Variants in TMEM120A observed in about 807,000 individuals in gnomAD.
The protein encoded by TMEM120A is transmembrane protein 120A.
Under a neutral mutation model 54.3 loss-of-function variants are expected in TMEM120A, and 45 were observed. The observed-to-expected ratio is 0.83, with a 90% CI of 0.65 to 1.06. The LOEUF (loss-of-function observed/expected upper bound fraction) is 1.06. Ranked by LOEUF, TMEM120A falls within the 50% of genes least tolerant of loss-of-function variation. TMEM120A has a pLI of 0.00. For missense variants in TMEM120A, 424 were observed against 441.7 expected, an observed-to-expected ratio of 0.96 and a Z score of 0.36; for synonymous variants, 204 against 178.5, an observed-to-expected ratio of 1.14 and a Z score of -1.14.
chr7:75,988,563 A>G, intron 4 of TMEM120A, 47 bp from the exon 5 acceptor site: 2 of 1,315,074 alleles, frequency 1.5e-6, no homozygotes, highest in African/African-American at 3.5e-5. Flanking sequence ...GGTGGGGCCC[A>G]TGTGTGCCCC....
intron 3 of TMEM120A, among the ~76,000 whole-genome samples, chr7:75,990,002 T>G (rs1789773695): frequency 6.6e-6 from 1 of 152,098 alleles, no homozygotes; most frequent in African/African-American, 2.4e-5. Flanking sequence ...TTGTTCACAC[T>G]CAAGCCAAAC....
At chr7:75,988,368 G>A in intron 5 of TMEM120A, 27 bp from the exon 6 acceptor site, 2 of 1,440,798 alleles carry the variant, frequency 1.4e-6, no homozygotes, top group Admixed American at 1.8e-5. Flanking sequence ...CCGAGGGTTG[G>A]TACTGCAGCG....
Position 75,987,253 on chromosome 7 carries a change from A to G in TMEM120A, c.951T>C (p.Leu317=), listed in dbSNP as rs782036657. The G allele has an allele frequency of 5.2e-4, 832 of 1,606,884 alleles. 6 individuals are homozygous for G. Among genetic ancestry groups the G allele is most frequent in the Non-Finnish European group, 9.9e-5 (117 of 1,177,328 alleles). ...VLMCGFPFLL[L]FLGNFFTTLR... ...GGGTGGTGAAGAAATTGCCGAGGAAAAGGAGGAGGAAGGGAAAGCCGCACA... is the reference window on the plus strand; with the variant it reads ...GGGTGGTGAAGAAATTGCCGAGGAAGAGGAGGAGGAAGGGAAAGCCGCACA... The change falls in exon 12 of 12, where the codon CTT becomes CTC. Residue 317 remains leucine (L), a synonymous_variant. Transcript: ENST00000493111.
chr7:75,989,328 C>T, intron 3 of TMEM120A, 104 bp from the exon 4 acceptor site: 1 of 779,496 alleles, frequency 1.3e-6, no homozygotes, highest in East Asian at 2.7e-5. Context: ...ACCCCACCCC[C>T]TCACCCGCTG....
intron 3 of TMEM120A, 28 bp downstream of exon 3, chr7:75,992,116 A>G: frequency 6.6e-7 from 1 of 1,526,484 alleles, no homozygotes; most frequent in Non-Finnish European, 9.0e-7. Flanking sequence ...CTGTGAACTG[A>G]GCTGGGGGTG....
At chr7:75,989,030 C>G (rs1216773435) in intron 4 of TMEM120A, 135 bp downstream of exon 4, 1 of 91,294 alleles carries the variant, frequency 1.1e-5, no homozygotes, top group Non-Finnish European at 2.8e-5. Flanking sequence ...AGGGGAAGGC[C>G]GGGTTGGGGG....
chr7:75,992,255 T>C lies in TMEM120A; in HGVS notation c.206A>G (p.Lys69Arg). 6.2e-7 allele frequency: 1 copy of C among 1,605,178 alleles called. No individual in the cohort carries two copies. The highest frequency in any genetic ancestry group is 8.5e-7 in the Non-Finnish European group (1 of 1,175,842). ...CTCGGCCTCTGCTGGGAGGGAGGGTTTGCATCTGCGGGTAAGGCCAGAAAC... is the reference window on the plus strand; with the variant it reads ...CTCGGCCTCTGCTGGGAGGGAGGGTCTGCATCTGCGGGTAAGGCCAGAAAC... ...QELALALKKC[K>R]PSLPAEAEGA... The change falls in exon 3 of 12, where the codon AAA (lysine) becomes AGA (arginine). Residue 69 changes from lysine (K) to arginine (R), a missense_variant. Coordinates refer to ENST00000493111, the MANE Select transcript of TMEM120A (RefSeq NM_031925.3).
intron 6 of TMEM120A, 37 bp from the exon 7 acceptor site, chr7:75,988,185 T>C: frequency 6.2e-7 from 1 of 1,611,564 alleles, no homozygotes; most frequent in Non-Finnish European, 8.5e-7. Context: ...CAGCGCCTGT[T>C]CCTGCTTCCC....
chr7:75,994,405 T>C (rs1585149571), intron 1 of TMEM120A, 85 bp downstream of exon 1: 2 of 1,295,622 alleles, frequency 1.5e-6, no homozygotes, highest in East Asian at 5.3e-5. Context: ...AGCTCCCCAC[T>C]GCCTGACCCA....
At position 75,991,215 on chromosome 7, in the gene TMEM120A, A is replaced by G. The variant is rs150564443; in HGVS notation, c.317+929T>C. Among the ~76,000 whole-genome samples the G allele has an allele frequency of 1.6e-3, 241 of 151,956 alleles. 1 individual carries two copies. Among genetic ancestry groups the G allele is most frequent in the African/African-American group, 5.7e-3 (235 of 41,436 alleles). On this transcript the variant is annotated intron_variant, in intron 3 of 11. Transcript: ENST00000493111. ...CTGGGTGACAGCTGCTGGCCTTTCC[A>G]GGTGCACATTCCACCGCCCCCGCCC...
At chr7:75,988,543 G>A (rs571945617) in intron 4 of TMEM120A, 27 bp from the exon 5 acceptor site, 5 of 1,560,228 alleles carry the variant, frequency 3.2e-6, no homozygotes, top group Non-Finnish European at 4.4e-6. Context: ...GGTGAGACGG[G>A]TGGGGTGCTG....
Position 75,987,806 on chromosome 7 carries a change from G to A in TMEM120A, c.696C>T (p.Phe232=), listed in dbSNP as rs555840167. 14 of 1,611,762 alleles carry A rather than the reference G, an allele frequency of 8.7e-6. No individual in the cohort carries two copies. The highest frequency in any genetic ancestry group is 2.7e-5 in the African/African-American group (2 of 75,040). Reference sequence around the variant, plus strand: ...GGTAGTAGTACTGGAGAAACTGCACGAAGCCTGGGCCGGGCGGAGGACAGA... The same window carrying A: ...GGTAGTAGTACTGGAGAAACTGCACAAAGCCTGGGCCGGGCGGAGGACAGA... The part of the protein sequence containing the change: ...QFLSFSMYQS[F]VQFLQYYYQS... Residue 232 remains phenylalanine (F), a synonymous_variant, in exon 9 of 12, where the codon TTC becomes TTT. Coordinates refer to ENST00000493111, the MANE Select transcript of TMEM120A (RefSeq NM_031925.3).
chr7:75,994,388 G>A (rs986165016), intron 1 of TMEM120A, 102 bp downstream of exon 1: 6 of 1,091,920 alleles, frequency 5.5e-6, no homozygotes, highest in Non-Finnish European at 6.7e-6. Context: ...CCCGACCCCT[G>A]ACCCTTAGCT....
In TMEM120A at chr7:75,992,639, C is replaced by T. The variant is rs2116674918; in HGVS notation, c.82-82G>A. 5 of 1,018,756 alleles carry T rather than the reference C, an allele frequency of 4.9e-6. No homozygotes were observed. The South Asian group carries it at 7.3e-5, about 15-fold the overall frequency. The allele number at this position is 1,018,756 out of a possible 1,614,324, so 63.1% of individuals were successfully genotyped here. ...GCAGGCAGGACGTGGCGCTCAGGCT[C>T]CCCCAGGGCTGCTGGGAGGGTTTCG... On this transcript the variant is annotated intron_variant, in intron 1 of 11. Coordinates refer to ENST00000493111, the MANE Select transcript of TMEM120A (RefSeq NM_031925.3).
intron 1 of TMEM120A, among the ~76,000 whole-genome samples, chr7:75,993,311 T>A (rs537993759): frequency 6.6e-6 from 1 of 152,262 alleles, no homozygotes; most frequent in African/African-American, 2.4e-5. Flanking sequence ...ATCCCTGACA[T>A]CTTCTTCCCA....
At chr7:75,992,064 C>T in intron 3 of TMEM120A, 80 bp downstream of exon 3, 1 of 1,033,208 alleles carries the variant, frequency 9.7e-7, no homozygotes, top group Middle Eastern at 2.2e-4. Context: ...CATTTGCTGA[C>T]TATAATGACC....
Position 75,987,710 on chromosome 7 carries a change from C to T in TMEM120A, c.784+8G>A, listed in dbSNP as rs548582145. On this transcript the variant is annotated splice_region_variant and intron_variant, in intron 9 of 11. Coordinates refer to ENST00000493111, the MANE Select transcript of TMEM120A (RefSeq NM_031925.3). ...AATGTCCAGATGCCAGGGCCACTCC[C>T]GACTCACCCACAGTGAGGTCCATGG... 4.5e-5 allele frequency: 73 copies of T among 1,611,808 alleles called. No homozygotes were observed. The highest frequency in any genetic ancestry group is 2.1e-4 in the South Asian group (19 of 90,892).
Position 75,988,355 on chromosome 7 carries a change from G to A in TMEM120A, c.474-14C>T, listed in dbSNP as rs377531914. The A allele has an allele frequency of 8.3e-5, 134 of 1,611,728 alleles. No homozygotes were observed. The Admixed American group carries it at 1.0e-3, about 12-fold the overall frequency. On this transcript the variant is annotated splice_polypyrimidine_tract_variant and intron_variant, in intron 5 of 11. Coordinates refer to ENST00000493111, the MANE Select transcript of TMEM120A (RefSeq NM_031925.3). The stretch of plus-strand genomic sequence containing the variant: ...GCATCTGTCACCCTGCGGAGGGAGG[G>A]GACCGAGGGTTGGTACTGCAGCGAC...
rs782267943 is a variant in TMEM120A, at chr7:75,987,105, G to A, written c.*67C>T. 7.4e-5 allele frequency: 99 copies of A among 1,332,576 alleles called. No homozygotes were observed. Among genetic ancestry groups the A allele is most frequent in the African/African-American group, 2.0e-4 (14 of 68,672 alleles). The allele number at this position is 1,332,576 out of a possible 1,614,324, so 82.5% of individuals were successfully genotyped here. A position where few individuals can be genotyped will look rare whatever the true frequency, so the allele number is the denominator to read the frequency against. On this transcript the variant is annotated 3_prime_UTR_variant, in exon 12 of 12. Coordinates refer to ENST00000493111, the MANE Select transcript of TMEM120A (RefSeq NM_031925.3). ...CCTGATACACGCACACTCGAGGGGC[G>A]CCTCCCATCCCCTCCCACAACACAC... is the stretch of plus-strand genomic sequence containing the variant.
Sources: gnomAD v4.1 joint callset for allele counts (sites outside exome capture counted in the v4.1 genomes callset) on GRCh38, gnomAD v4.1.1 for gene constraint, MANE v1.5 for transcripts, NCBI Gene and HGNC (gene_info 2026-07-23, HGNC 2026-07-21) for gene names.